The following AIFM3 variants were observed in gnomAD, a reference collection of about 807,000 sequenced individuals.
AIFM3 encodes the protein apoptosis-inducing factor 3.
A neutral mutation model predicts 82.7 loss-of-function variants in AIFM3; 71 were observed. That is an observed-to-expected ratio of 0.86 (90% CI 0.71 to 1.05). AIFM3 has a LOEUF of 1.05. Among genes scored for constraint, AIFM3 ranks in the 50% least tolerant of loss-of-function variants. AIFM3 has a pLI of 0.00. For synonymous variants in AIFM3, 337 were observed against 329.1 expected (o/e 1.02, Z -0.26); for missense variants, 748 against 816.7 (o/e 0.92, Z 1.03).
rs762623722 is a variant in AIFM3, at chr22:20,976,690, C to A, written c.1070C>A (p.Ser357Tyr). 7.5e-6 allele frequency: 12 copies of A among 1,609,444 alleles called. No homozygotes were observed. The highest frequency in any genetic ancestry group is 1.7e-6 in the Non-Finnish European group (2 of 1,177,872). The change falls in exon 12 of 21, where the codon TCT becomes TAT. Residue 357 changes from serine to tyrosine, a missense_variant. This residue lies in a region of AIFM3 where 393 missense variants were observed against 481.1 expected (regional missense o/e 0.82). Coordinates refer to ENST00000440238, the MANE Select transcript of AIFM3 (RefSeq NM_001386814.1). Reference protein sequence around the residue: ...VAAYLTEKAHSVSVVELEETP... With the variant: ...VAAYLTEKAHYVSVVELEETP... ...GCTTACCTGACGGAGAAGGCCCACTCTGTGTCTGTGGTGGAGCTGGAGGAG... is the reference window on the plus strand; with the variant it reads ...GCTTACCTGACGGAGAAGGCCCACTATGTGTCTGTGGTGGAGCTGGAGGAG...
In AIFM3 at chr22:20,981,217, C is replaced by T; in HGVS notation, c.*186C>T. 1 of 719,338 alleles carries T rather than the reference C, an allele frequency of 1.4e-6. No homozygotes were observed. The highest frequency in any genetic ancestry group is 1.8e-5 in the South Asian group (1 of 54,448). 44.6% of individuals were successfully genotyped at this position (719,338 alleles called of 1,614,324 possible). A position where few individuals can be genotyped will look rare whatever the true frequency, so the allele number is the denominator to read the frequency against. ...TGCTGGATCCAGAAGATGCTCAACC[C>T]TCAAGGCCTCTGCTGCCACTGACAG... On this transcript the variant is annotated 3_prime_UTR_variant, in exon 21 of 21. Coordinates refer to ENST00000440238, the MANE Select transcript of AIFM3 (RefSeq NM_001386814.1).
At chr22:20,968,350 G>T (rs538051208) in intron 2 of AIFM3, among the ~76,000 whole-genome samples, 2 of 152,280 alleles carry the variant, frequency 1.3e-5, no homozygotes, top group African/African-American at 2.4e-5. Context: ...GTGACCTAGG[G>T]CATGCAAGTT....
rs1923004738 is a variant in AIFM3, at chr22:20,967,888, C to T, written c.-57C>T. On this transcript the variant is annotated 5_prime_UTR_variant, in exon 2 of 21. Coordinates refer to ENST00000440238, the MANE Select transcript of AIFM3 (RefSeq NM_001386814.1). ...CCAGCCCCATGGGGGGCGCCCTAGGCCTCCGACAGCTCCCCATCTGTGCTC... is the reference window on the plus strand; with the variant it reads ...CCAGCCCCATGGGGGGCGCCCTAGGTCTCCGACAGCTCCCCATCTGTGCTC... The T allele has an allele frequency of 6.2e-7, 1 of 1,607,670 alleles. No individual in the cohort carries two copies. Among genetic ancestry groups the T allele is most frequent in the Non-Finnish European group, 8.5e-7 (1 of 1,174,504 alleles).
rs1462051253 is a variant in AIFM3 at position 20,975,610 on chromosome 22, G to A, written c.721-82G>A. The A allele has an allele frequency of 3.2e-5, 44 of 1,378,364 alleles. No individual in the cohort carries two copies. The Admixed American group carries it at 5.9e-4, about 18-fold the overall frequency. 85.4% of individuals were successfully genotyped at this position (1,378,364 alleles called of 1,614,324 possible). A position where few individuals can be genotyped will look rare whatever the true frequency, so the allele number is the denominator to read the frequency against. ...GAGTTCTGTCCTGCAGCCCCTATGTGACTGGGGCTGGCCCCACCTTCCCTG... is the reference window on the plus strand; with the variant it reads ...GAGTTCTGTCCTGCAGCCCCTATGTAACTGGGGCTGGCCCCACCTTCCCTG... On this transcript the variant is annotated intron_variant, in intron 8 of 20. Coordinates refer to ENST00000440238, the MANE Select transcript of AIFM3 (RefSeq NM_001386814.1).
chr22:20,980,765 C>A lies in AIFM3; in HGVS notation c.1776C>A (p.Ser592Arg). The A allele has an allele frequency of 6.2e-7, 1 of 1,614,204 alleles. No individual in the cohort carries two copies. Residue 592 changes from serine to arginine, a missense_variant and splice_region_variant, in exon 20 of 21, where the codon AGC becomes AGA. Coordinates refer to ENST00000440238, the MANE Select transcript of AIFM3 (RefSeq NM_001386814.1). ...CGTGAAGGCTGTTTGTGCTGCACAG[C>A]AAGTACGTGTGTCCTTCATGTTGAC... ...KREVELFVLH[S>R]KTGDMSWLTG... is the part of the protein sequence containing the mutation.
chr22:20,979,179 A>C, intron 16 of AIFM3, 92 bp from the exon 17 acceptor site: 2 of 1,257,848 alleles, frequency 1.6e-6, no homozygotes, highest in Non-Finnish European at 2.3e-6. Flanking sequence ...AGGAGTAGCC[A>C]CACGTGTCAG....
At chr22:20,980,298 A>G in intron 19 of AIFM3, 174 bp downstream of exon 19, 1 of 630,388 alleles carries the variant, frequency 1.6e-6, no homozygotes, top group Non-Finnish European at 2.8e-6. Flanking sequence ...ATGGTTTGAG[A>G]GCAGGCTGGT....
Position 20,967,727 on chromosome 22 carries a change from C to T in AIFM3, c.-140-78C>T, listed in dbSNP as rs1922988536. The T allele has an allele frequency of 1.9e-5, 11 of 594,566 alleles. No individual in the cohort carries two copies. In the South Asian group the frequency reaches 2.0e-4, roughly 11 times the overall value. 36.8% of individuals were successfully genotyped at this position (594,566 alleles called of 1,614,324 possible). A position where few individuals can be genotyped will look rare whatever the true frequency, so the allele number is the denominator to read the frequency against. ...CAAATGTAAGACTCTTTCCGAAGCT[C>T]CCACTGTCTCTCTCCGTCCCTCTGT... On this transcript the variant is annotated intron_variant, in intron 1 of 20. Coordinates refer to ENST00000440238, the MANE Select transcript of AIFM3 (RefSeq NM_001386814.1).
At chr22:20,975,826 C>G in intron 9 of AIFM3, 48 bp downstream of exon 9, 1 of 1,595,334 alleles carries the variant, frequency 6.3e-7, no homozygotes, top group Non-Finnish European at 8.5e-7. Context: ...AAGGTGGGAA[C>G]CGTGAGGTTG....
At chr22:20,979,513 A>G (rs1449066002) in intron 17 of AIFM3, 114 bp from the exon 18 acceptor site, 1 of 1,480,770 alleles carries the variant, frequency 6.8e-7, no homozygotes, top group East Asian at 2.3e-5. Context: ...CAAGGCTACG[A>G]ACTACCTAAA....
chr22:20,975,860 T>C (rs557594111), intron 9 of AIFM3, 82 bp downstream of exon 9: 1 of 1,482,614 alleles, frequency 6.7e-7, no homozygotes, highest in Non-Finnish European at 9.3e-7. Flanking sequence ...GGTGGGGTCT[T>C]GGTGCTCTAC....
intron 14 of AIFM3, 40 bp from the exon 15 acceptor site, chr22:20,977,660 G>A (rs1299649814): frequency 6.2e-7 from 1 of 1,612,856 alleles, no homozygotes; most frequent in Non-Finnish European, 8.5e-7. Flanking sequence ...TACGCAGAAG[G>A]CAGGGACAGG....
At chr22:20,969,224 G>C (rs537948868) in intron 2 of AIFM3, among the ~76,000 whole-genome samples, 11 of 152,318 alleles carry the variant, frequency 7.2e-5, no homozygotes, top group African/African-American at 2.4e-4. Context: ...TGGCTGGCCT[G>C]CCTGGGACCC....
At position 20,974,294 on chromosome 22, in the gene AIFM3, C is replaced by G. The variant is rs759848120; in HGVS notation, c.508C>G (p.Gln170Glu). Reference sequence around the variant, plus strand: ...GAAGGTGTACGTCCGGGCCAGCAAGCAGGTGAGGGGATAGCTCGGGGCTCA... The same window carrying G: ...GAAGGTGTACGTCCGGGCCAGCAAGGAGGTGAGGGGATAGCTCGGGGCTCA... ...KEKVYVRASK[Q>E]ALQLQRRTKV... is the part of the protein sequence containing the mutation. Residue 170 changes from glutamine (Q) to glutamate (E), a missense_variant and splice_region_variant, in exon 6 of 21, where the codon CAG becomes GAG. This residue lies in a region of AIFM3 where 393 missense variants were observed against 481.1 expected (regional missense o/e 0.82). Transcript: ENST00000440238. The G allele has an allele frequency of 1.7e-5, 28 of 1,613,356 alleles. No individual in the cohort carries two copies. In the South Asian group the frequency reaches 3.1e-4, roughly 18 times the overall value.
Position 20,978,005 on chromosome 22 carries a change from G to T in AIFM3, c.1477G>T (p.Gly493Trp). The T allele has an allele frequency of 2.5e-6, 4 of 1,614,076 alleles. No individual in the cohort carries two copies. Among genetic ancestry groups the T allele is most frequent in the Non-Finnish European group, 3.4e-6 (4 of 1,179,948 alleles). The change falls in exon 16 of 21, where the codon GGG (glycine) becomes TGG (tryptophan). Residue 493 changes from glycine to tryptophan, a missense_variant and splice_region_variant. By Grantham distance (184) the Gly-to-Trp change is radical (BLOSUM62 -2). This residue lies in a region of AIFM3 where 183 missense variants were observed against 158.2 expected (regional missense o/e 1.16). Coordinates refer to ENST00000440238, the MANE Select transcript of AIFM3 (RefSeq NM_001386814.1). ...IPHWQMAHAQ[G>W]RVAAQNMLAQ... ...ACATTGGCAGATGGCTCATGCTCAG[G>T]GTATGGCCAGTCCCGAGGCACATGG... is the stretch of plus-strand genomic sequence containing the variant.
Position 20,974,636 on chromosome 22 carries a change from C to T in AIFM3, c.607+15C>T, listed in dbSNP as rs538743781. ...TGTGGGTGCAGGTTGGTAGTGGGGTCATGAGGGGCAGGGTGGGAGATGGGA... is the reference window on the plus strand; with the variant it reads ...TGTGGGTGCAGGTTGGTAGTGGGGTTATGAGGGGCAGGGTGGGAGATGGGA... On this transcript the variant is annotated intron_variant, in intron 7 of 20. Coordinates refer to ENST00000440238, the MANE Select transcript of AIFM3 (RefSeq NM_001386814.1). The T allele has an allele frequency of 7.4e-6, 12 of 1,613,332 alleles. No homozygotes were observed. In the South Asian group the frequency reaches 1.1e-4, roughly 15 times the overall value.
chr22:20,976,618 G>A (rs777305076), intron 11 of AIFM3, 33 bp from the exon 12 acceptor site: 1 of 1,612,648 alleles, frequency 6.2e-7, no homozygotes, highest in East Asian at 2.2e-5. Context: ...GGAAGGTGCA[G>A]GTGCCAGCCT....
chr22:20,974,207 G>A (rs758353631), intron 5 of AIFM3, 35 bp downstream of exon 5: 5 of 1,613,540 alleles, frequency 3.1e-6, no homozygotes, highest in Non-Finnish European at 3.4e-6. Context: ...GGGAACCTGG[G>A]GGTGTGGGGT....
chr22:20,974,243 C>A lies in AIFM3; in HGVS notation c.466-9C>A. 1 of 1,613,868 alleles carries A rather than the reference C, an allele frequency of 6.2e-7. No individual in the cohort carries two copies. The highest frequency in any genetic ancestry group is 1.1e-5 in the South Asian group (1 of 91,066). On this transcript the variant is annotated splice_polypyrimidine_tract_variant and intron_variant, in intron 5 of 20. Coordinates refer to ENST00000440238, the MANE Select transcript of AIFM3 (RefSeq NM_001386814.1). The stretch of plus-strand genomic sequence containing the variant: ...TCGGGGCTGGTCCTGAGCAATGCAG[C>A]CCTTGCAGGTGAAGATTGAGAAGGA...
Sources: gnomAD v4.1 joint callset for allele counts (sites outside exome capture counted in the v4.1 genomes callset) on GRCh38, gnomAD v4.1.1 for gene constraint, gnomAD v4.1.1 regional missense constraint, MANE v1.5 for transcripts, NCBI Gene and HGNC (gene_info 2026-07-23, HGNC 2026-07-21) for gene names.